The following PDE4D variants were observed in gnomAD, a reference collection of about 807,000 sequenced individuals.
PDE4D encodes the protein 3',5'-cyclic-AMP phosphodiesterase 4D.
Under a neutral mutation model 87.4 loss-of-function variants are expected in PDE4D, and 24 were observed. The observed-to-expected ratio is 0.27, with a 90% CI of 0.20 to 0.39. PDE4D has a LOEUF of 0.39. PDE4D is among the 10% of genes least tolerant of loss of function. The probability of loss-of-function intolerance (pLI) is 1.00; values close to 1 mark genes in which losing one functional copy is unlikely to be tolerated. For missense variants in PDE4D, 714 were observed against 1,041.0 expected, an observed-to-expected ratio of 0.69 and a Z score of 4.32; for synonymous variants, 384 against 383.2, an observed-to-expected ratio of 1.00 and a Z score of -0.02.
At chr5:59,153,839 T>G (rs1002421883) in intron 5 of PDE4D, among the ~76,000 whole-genome samples, 1 of 151,254 alleles carries the variant, frequency 6.6e-6, no homozygotes, top group African/African-American at 2.4e-5. Context: ...ATGCTAGAGG[T>G]AGGTTTGGGA....
chr5:59,030,497 T>C (rs1165206016), intron 6 of PDE4D, among the ~76,000 whole-genome samples: 2 of 150,522 alleles, frequency 1.3e-5, no homozygotes, highest in Non-Finnish European at 2.9e-5. Flanking sequence ...CCCAGTGCTT[T>C]GGGAGGCTGA....
intron 1 of PDE4D, among the ~76,000 whole-genome samples, chr5:59,316,755 GT>G (rs1428106041): frequency 1.3e-5 from 2 of 152,190 alleles, no homozygotes; most frequent in Admixed American, 6.5e-5. Flanking sequence ...ACCAAATGTA[GT>G]TGACAATGGC....
At chr5:59,658,758 C>T (rs1038818942) in intron 1 of PDE4D, among the ~76,000 whole-genome samples, 6 of 152,150 alleles carry the variant, frequency 3.9e-5, no homozygotes, top group African/African-American at 1.4e-4. Flanking sequence ...CAAAGATATT[C>T]CTTTATTGCA....
chr5:60,328,778 A>T (rs1320317169), intron 1 of PDE4D, among the ~76,000 whole-genome samples: 1 of 152,212 alleles, frequency 6.6e-6, no homozygotes, highest in Non-Finnish European at 1.5e-5. Context: ...TGGTATAAGG[A>T]TTAGTTTGAA....
At chr5:59,404,360 C>CA (rs1444664077) in intron 1 of PDE4D, among the ~76,000 whole-genome samples, 1 of 151,998 alleles carries the variant, frequency 6.6e-6, no homozygotes, top group Non-Finnish European at 1.5e-5. Context: ...GGGTATTACT[C>CA]AAAAAATCTT....
intron 1 of PDE4D, among the ~76,000 whole-genome samples, chr5:59,710,979 G>A (rs116452183): frequency 0.026 from 3,931 of 152,206 alleles, 142 homozygotes; most frequent in African/African-American, 0.079. Context: ...TTGAATGAAT[G>A]TGCCCTTGTT....
At chr5:59,182,369 C>T (rs1417044780) in intron 4 of PDE4D, among the ~76,000 whole-genome samples, 1 of 151,858 alleles carries the variant, frequency 6.6e-6, no homozygotes, top group African/African-American at 2.4e-5. Flanking sequence ...GTGATTCCCC[C>T]CACCACCTCA....
intron 1 of PDE4D, among the ~76,000 whole-genome samples, chr5:60,253,261 C>A (rs538943779): frequency 6.6e-6 from 1 of 151,960 alleles, no homozygotes; most frequent in East Asian, 1.9e-4. Context: ...TGAGTAAATG[C>A]GTTTTTATTT....
At chr5:59,158,101 G>A (rs1368080689) in intron 5 of PDE4D, among the ~76,000 whole-genome samples, 1 of 152,122 alleles carries the variant, frequency 6.6e-6, no homozygotes, top group Non-Finnish European at 1.5e-5. Context: ...GCTCTTCAAA[G>A]CCCAAGACCA....
intron 3 of PDE4D, among the ~76,000 whole-genome samples, chr5:59,903,848 C>T (rs1442786016): frequency 2.0e-5 from 3 of 152,190 alleles, no homozygotes; most frequent in East Asian, 1.9e-4. Flanking sequence ...TCTCTGCAAG[C>T]GTGTCTTATG....
rs1299218048 is a variant in PDE4D, at chr5:58,973,521, T to C, written c.*1143A>G. 6.6e-6 allele frequency: 1 copy of C among 152,564 alleles called. No individual in the cohort carries two copies. The highest frequency in any genetic ancestry group is 1.5e-5 in the Non-Finnish European group (1 of 68,014). 9.5% of individuals were successfully genotyped at this position (152,564 alleles called of 1,614,324 possible). A position where few individuals can be genotyped will look rare whatever the true frequency, so the allele number is the denominator to read the frequency against. ...ATGCACTTGTGAAATGAACATCTAG[T>C]GACACAGCAAAACGTTATTAGGAGA... On this transcript the variant is annotated 3_prime_UTR_variant, in exon 15 of 15. Transcript: ENST00000340635.
In PDE4D at chr5:59,257,841, T is replaced by C. The variant is rs115121024; in HGVS notation, c.456-41873A>G. On this transcript the variant is annotated intron_variant, in intron 1 of 14. Coordinates refer to ENST00000340635, the MANE Select transcript of PDE4D (RefSeq NM_001104631.2). ...AAGGGCACTTTTATGTCAGAAGCCTTTCCTTTTTTCCTAGGTGAAGTCCAC... is the reference window on the plus strand; with the variant it reads ...AAGGGCACTTTTATGTCAGAAGCCTCTCCTTTTTTCCTAGGTGAAGTCCAC... Among the ~76,000 whole-genome samples, 659 of 152,038 alleles carry C rather than the reference T, an allele frequency of 4.3e-3. 6 individuals are homozygous for C. Among genetic ancestry groups the C allele is most frequent in the African/African-American group, 0.015 (630 of 41,494 alleles).
chr5:60,401,336 A>G (rs1362472382), intron 1 of PDE4D, among the ~76,000 whole-genome samples: 1 of 152,222 alleles, frequency 6.6e-6, no homozygotes, highest in Non-Finnish European at 1.5e-5. Flanking sequence ...TTGAATATAT[A>G]ACACACTTCA....
Position 59,668,918 on chromosome 5 carries a change from G to GAAGA in PDE4D, c.455+224246_455+224249dup, listed in dbSNP as rs150582699. ...AGAAGAAGAAGAAGAAGAAGAAGAA[G>GAAGA]AAGAAAGAAAGAAAGAATTAGTTCA... On this transcript the variant is annotated intron_variant, in intron 1 of 14. Coordinates refer to ENST00000340635, the MANE Select transcript of PDE4D (RefSeq NM_001104631.2). Among the ~76,000 whole-genome samples the GAAGA allele has an allele frequency of 4.3e-3, 307 of 71,092 alleles. 6 individuals are homozygous for GAAGA. The highest frequency in any genetic ancestry group is 0.028 in the East Asian group (49 of 1,730). 46.6% of individuals were successfully genotyped at this position (71,092 alleles called of 152,430 possible). A position where few individuals can be genotyped will look rare whatever the true frequency, so the allele number is the denominator to read the frequency against.
chr5:60,153,063 G>T (rs781075702), intron 2 of PDE4D, among the ~76,000 whole-genome samples: 1 of 152,146 alleles, frequency 6.6e-6, no homozygotes, highest in Non-Finnish European at 1.5e-5. Context: ...ACCAGGAAGC[G>T]AAGGAAACAA....
chr5:59,733,103 G>A (rs1249421921), intron 1 of PDE4D, among the ~76,000 whole-genome samples: 1 of 152,118 alleles, frequency 6.6e-6, no homozygotes, highest in Non-Finnish European at 1.5e-5. Context: ...CCCTTAAGGA[G>A]AAAATAACAC....
At chr5:59,511,053 T>A in intron 1 of PDE4D, among the ~76,000 whole-genome samples, 1 of 151,920 alleles carries the variant, frequency 6.6e-6, no homozygotes, top group East Asian at 1.9e-4. Context: ...ATCTTTTTGG[T>A]TACAAAATGA....
At chr5:59,199,605 T>C (rs945043991) in intron 2 of PDE4D, among the ~76,000 whole-genome samples, 1 of 152,176 alleles carries the variant, frequency 6.6e-6, no homozygotes. Flanking sequence ...CTATCATCCA[T>C]CTATCAATTC....
intron 2 of PDE4D, among the ~76,000 whole-genome samples, chr5:59,205,320 G>T (rs1748503804): frequency 6.6e-6 from 1 of 151,904 alleles, no homozygotes; most frequent in Non-Finnish European, 1.5e-5. Flanking sequence ...TATATTGATG[G>T]GTAATTCCTT....
Sources: allele counts gnomAD v4.1 joint callset (sites outside exome capture counted in the v4.1 genomes callset), GRCh38; gene constraint gnomAD v4.1.1; transcripts MANE v1.5; gene names NCBI Gene and HGNC (gene_info 2026-07-23, HGNC 2026-07-21).